The following ACSF3 variants were observed in gnomAD, a reference collection of about 807,000 sequenced individuals.
ACSF3 encodes malonate--CoA ligase ACSF3, mitochondrial.
In ACSF3, 78 loss-of-function variants were observed where a neutral mutation model predicts 53.2. The observed-to-expected ratio is 1.47, with a 90% confidence interval of 1.22 to 1.77. The LOEUF (loss-of-function observed/expected upper bound fraction) is 1.77. Among genes scored for constraint, ACSF3 ranks in the 40% most tolerant of loss-of-function variants. The pLI is 0.00. For missense variants in ACSF3, 937 were observed against 771.1 expected (o/e 1.22, Z -2.55); for synonymous variants, 414 against 333.1 (o/e 1.24, Z -2.65).
chr16:89,126,135 T>A (rs1908040516), intron 7 of ACSF3, among the ~76,000 whole-genome samples: 1 of 152,256 alleles, frequency 6.6e-6, no homozygotes, highest in African/African-American at 2.4e-5. Flanking sequence ...CTGTGTTGTA[T>A]TCAGCATATA....
At chr16:89,133,778 C>T (rs1464687934) in intron 8 of ACSF3, among the ~76,000 whole-genome samples, 1 of 152,252 alleles carries the variant, frequency 6.6e-6, no homozygotes, top group South Asian at 2.1e-4. Context: ...TGTTTGTTTA[C>T]TGTTCCACAA....
intron 7 of ACSF3, among the ~76,000 whole-genome samples, chr16:89,125,976 G>A (rs1481101193): frequency 3.3e-5 from 5 of 151,644 alleles, no homozygotes; most frequent in Non-Finnish European, 5.9e-5. Context: ...ACTTAGATCC[G>A]CAAACACGGT....
chr16:89,135,979 T>C (rs938501607), intron 8 of ACSF3, among the ~76,000 whole-genome samples: 7 of 152,380 alleles, frequency 4.6e-5, no homozygotes, highest in Non-Finnish European at 8.8e-5. Context: ...TTTGCCATGT[T>C]GGCCAGGCTG....
intron 7 of ACSF3, 143 bp from the exon 8 acceptor site, chr16:89,132,993 C>T: frequency 8.0e-7 from 1 of 1,244,932 alleles, no homozygotes; most frequent in Non-Finnish European, 1.2e-6. Flanking sequence ...GTTTTCCAAG[C>T]ATTCCAACAA....
intron 8 of ACSF3, among the ~76,000 whole-genome samples, chr16:89,137,038 AG>A (rs1173686653): frequency 6.6e-6 from 1 of 152,218 alleles, no homozygotes; most frequent in East Asian, 1.9e-4. Flanking sequence ...GGCGAGTGGA[AG>A]GTGACGTGGA....
rs1446221617 is a variant in ACSF3 at position 89,112,178 on chromosome 16, C to G, written c.909C>G (p.Tyr303Ter). 11 of 1,614,222 alleles carry G rather than the reference C, an allele frequency of 6.8e-6. No individual in the cohort carries two copies. The highest frequency in any genetic ancestry group is 1.3e-5 in the African/African-American group (1 of 75,064). The change falls in exon 5 of 11, where the codon TAC becomes TAG. Residue 303 changes from tyrosine (Y) to a stop codon, truncating the protein, a stop_gained. Transcript: ENST00000614302. LOFTEE classifies it high-confidence loss of function. ...VPTIYTKLME[Y>*]YDRHFTQPHA... ...CAATATACACCAAGCTGATGGAGTA[C>G]TACGACAGGCATTTTACCCAGCCGC...
Position 89,155,318 on chromosome 16 carries a change from T to C in ACSF3, c.*1111T>C, listed in dbSNP as rs1343036924. ...GTCTGAAAGAGTGGCCAGAAACGAG[T>C]GTGCCGGGCAGGAGGCCAGCCCCAT... is the stretch of plus-strand genomic sequence containing the variant. On this transcript the variant is annotated 3_prime_UTR_variant, in exon 11 of 11. Transcript: ENST00000614302. The C allele has an allele frequency of 2.2e-6, 1 of 453,060 alleles. No individual in the cohort carries two copies. The highest frequency in any genetic ancestry group is 2.0e-5 in the African/African-American group (1 of 49,952). 28.1% of individuals were successfully genotyped at this position (453,060 alleles called of 1,614,324 possible). A position where few individuals can be genotyped will look rare whatever the true frequency, so the allele number is the denominator to read the frequency against.
rs557338341 is a variant in ACSF3 at position 89,119,275 on chromosome 16, G to A, written c.1127-1526G>A. Among the ~76,000 whole-genome samples the A allele has an allele frequency of 1.1e-4, 17 of 152,308 alleles. No individual in the cohort carries two copies. The East Asian group carries it at 1.9e-3, about 17-fold the overall frequency. On this transcript the variant is annotated intron_variant, in intron 6 of 10. Coordinates refer to ENST00000614302, the MANE Select transcript of ACSF3 (RefSeq NM_001243279.3). ...CCCCCGCCCCTACCCCAGCCGTGCC[G>A]TGTCCTTGCGCTGCGTCCCCGCCCC...
intron 4 of ACSF3, among the ~76,000 whole-genome samples, chr16:89,105,788 A>T (rs891848184): frequency 6.6e-6 from 1 of 152,208 alleles, no homozygotes; most frequent in Non-Finnish European, 1.5e-5. Context: ...GCAGAGGCAG[A>T]ACATCTCCCA....
intron 3 of ACSF3, among the ~76,000 whole-genome samples, chr16:89,101,785 C>T (rs1975375802): frequency 6.6e-6 from 1 of 152,230 alleles, no homozygotes; most frequent in Non-Finnish European, 1.5e-5. Context: ...ACTTACCTGG[C>T]ATTTGTACAG....
At position 89,154,196 on chromosome 16, in the gene ACSF3, C is replaced by T; in HGVS notation, c.1720C>T (p.His574Tyr). Residue 574 changes from histidine (H) to tyrosine (Y), a missense_variant, in exon 11 of 11, where the codon CAC becomes TAC. Physicochemically the swap from His to Tyr is moderately conservative, Grantham distance 83. Coordinates refer to ENST00000614302, the MANE Select transcript of ACSF3 (RefSeq NM_001243279.3). ...IDKKALIRHF[H>Y]PS ...CAAGAAGGCGCTCATCAGGCACTTC[C>T]ACCCCTCATGACCCGGCAGACTGGG... 2 of 1,613,474 alleles carry T rather than the reference C, an allele frequency of 1.2e-6. No homozygotes were observed. Among genetic ancestry groups the T allele is most frequent in the South Asian group, 2.2e-5 (2 of 90,918 alleles).
chr16:89,146,631 C>G (rs1913012490), intron 10 of ACSF3, among the ~76,000 whole-genome samples: 1 of 152,246 alleles, frequency 6.6e-6, no homozygotes, highest in East Asian at 1.9e-4. Context: ...TCACCATCCC[C>G]TCAGTCATTT....
intron 2 of ACSF3, 153 bp from the exon 3 acceptor site, chr16:89,100,509 A>G: frequency 1.4e-6 from 1 of 726,130 alleles, no homozygotes; most frequent in Non-Finnish European, 2.3e-6. Flanking sequence ...TGGGTGAGAA[A>G]GGCTGGACGT....
intron 1 of ACSF3, among the ~76,000 whole-genome samples, chr16:89,096,729 C>T (rs1182941908): frequency 6.6e-6 from 1 of 152,190 alleles, no homozygotes; most frequent in African/African-American, 2.4e-5. Context: ...GCCAGGACTC[C>T]CCCCTTCCCT....
intron 1 of ACSF3, among the ~76,000 whole-genome samples, chr16:89,094,488 C>T (rs1016105829): frequency 6.6e-6 from 1 of 152,122 alleles, no homozygotes; most frequent in African/African-American, 2.4e-5. Flanking sequence ...TGCGGCCGGC[C>T]GTGAAGTATT....
intron 7 of ACSF3, chr16:89,122,544 C>T (rs188417032): frequency 2.9e-4 from 91 of 318,892 alleles, no homozygotes; most frequent in African/African-American, 1.8e-3. Flanking sequence ...TCGAGGACCT[C>T]CCAGCTCAGC....
chr16:89,140,188 T>A (rs984125629), intron 8 of ACSF3, among the ~76,000 whole-genome samples: 2 of 152,240 alleles, frequency 1.3e-5, no homozygotes, highest in Admixed American at 6.5e-5. Flanking sequence ...GGCGGTGGCC[T>A]GTGCCTGGCC....
rs1215620951 is a variant in ACSF3, at chr16:89,154,679, G to T, written c.*472G>T. On this transcript the variant is annotated 3_prime_UTR_variant, in exon 11 of 11. Coordinates refer to ENST00000614302, the MANE Select transcript of ACSF3 (RefSeq NM_001243279.3). The stretch of plus-strand genomic sequence containing the variant: ...TAGGAGGTCTGGGCAGCCACCCAGG[G>T]GGCCCTCCTGGGAGGAGCTGAGGGT... The T allele has an allele frequency of 2.2e-6, 1 of 454,042 alleles. No individual in the cohort carries two copies. The highest frequency in any genetic ancestry group is 1.6e-5 in the South Asian group (1 of 64,368). 28.1% of individuals were successfully genotyped at this position (454,042 alleles called of 1,614,324 possible).
intron 9 of ACSF3, 90 bp from the exon 10 acceptor site, chr16:89,145,848 A>G: frequency 1.8e-6 from 2 of 1,123,290 alleles, no homozygotes; most frequent in Non-Finnish European, 1.4e-6. Context: ...CTGCGGCCAG[A>G]CTGCGCTCTT....
Sources: gnomAD v4.1 joint callset for allele counts (sites outside exome capture counted in the v4.1 genomes callset) on GRCh38, gnomAD v4.1.1 for gene constraint, MANE v1.5 for transcripts, NCBI Gene and HGNC (gene_info 2026-07-23, HGNC 2026-07-21) for gene names.